TBC1D5: variants seen among roughly 807,000 people sequenced by gnomAD.
The protein encoded by TBC1D5 is TBC1 domain family, member 5.
TBC1D5 carries 75 observed loss-of-function variants against 100.3 expected under a neutral mutation model. The observed-to-expected ratio is 0.75, with a 90% CI of 0.62 to 0.91. The LOEUF is 0.91. TBC1D5 is among the 40% of genes least tolerant of loss of function. The pLI is 0.00. For synonymous variants in TBC1D5, 323 were observed against 325.6 expected (o/e 0.99, Z 0.09); for missense variants, 910 against 942.4 (o/e 0.97, Z 0.45).
chr3:17,733,746 G>A (rs1362294517), intron 1 of TBC1D5, among the ~76,000 whole-genome samples: 2 of 152,000 alleles, frequency 1.3e-5, no homozygotes, highest in East Asian at 1.9e-4. Flanking sequence ...ACTTCCGTAA[G>A]TCAAAATTAA....
At chr3:17,170,207 C>A (rs1475357784) in intron 19 of TBC1D5, among the ~76,000 whole-genome samples, 1 of 152,170 alleles carries the variant, frequency 6.6e-6, no homozygotes, top group African/African-American at 2.4e-5. Context: ...GCACACAGCA[C>A]CGGATGCTTG....
chr3:17,260,958 A>T (rs2149467838), intron 15 of TBC1D5, among the ~76,000 whole-genome samples: 1 of 152,320 alleles, frequency 6.6e-6, no homozygotes, highest in African/African-American at 2.4e-5. Context: ...CTTATGGCAC[A>T]TCTCAATTTG....
intron 3 of TBC1D5, among the ~76,000 whole-genome samples, chr3:17,495,594 A>C (rs1246476143): frequency 6.6e-6 from 1 of 152,234 alleles, no homozygotes; most frequent in Admixed American, 6.5e-5. Flanking sequence ...ATAACAACTT[A>C]TTCTTCCTTG....
At chr3:17,261,834 T>C (rs1197296038) in intron 15 of TBC1D5, among the ~76,000 whole-genome samples, 4 of 144,240 alleles carry the variant, frequency 2.8e-5, no homozygotes, top group African/African-American at 7.8e-5. Context: ...ATATTTGCTT[T>C]TCTTAAAGGA....
chr3:17,661,179 A>T lies in TBC1D5; in HGVS notation c.-100-37266T>A, dbSNP rs2066607037. On this transcript the variant is annotated intron_variant, in intron 1 of 21. Transcript: ENST00000253692. Reference sequence around the variant, plus strand: ...ACATTTCCCAAACAGATGCTAAGAGACTCTACAAGGACACTCCGCTCAATC... The same window carrying T: ...ACATTTCCCAAACAGATGCTAAGAGTCTCTACAAGGACACTCCGCTCAATC... 7.2e-5 allele frequency among the ~76,000 whole-genome samples: 11 copies of T among 152,234 alleles called. No individual in the cohort carries two copies. The South Asian group carries it at 1.7e-3, about 23-fold the overall frequency.
At chr3:17,455,528 A>G (rs62245945) in intron 3 of TBC1D5, among the ~76,000 whole-genome samples, 3,560 of 102,590 alleles carry the variant, frequency 0.035, 70 homozygotes, top group Middle Eastern at 0.05. Flanking sequence ...ATATATATAT[A>G]TATGTGTGTG....
In TBC1D5 at chr3:17,631,006, T is replaced by C. The variant is rs1334039282; in HGVS notation, c.-100-7093A>G. On this transcript the variant is annotated intron_variant, in intron 1 of 21. Coordinates refer to ENST00000253692, the Ensembl canonical transcript of TBC1D5. Reference sequence around the variant, plus strand: ...TTGCAGTGAGCCGAGATGGCACCACTGCACTCTAGCCTGGACGACTGAGTG... The same window carrying C: ...TTGCAGTGAGCCGAGATGGCACCACCGCACTCTAGCCTGGACGACTGAGTG... Among the ~76,000 whole-genome samples the C allele has an allele frequency of 2.2e-5, 3 of 138,970 alleles. No homozygotes were observed. The Admixed American group carries it at 2.3e-4, about 11-fold the overall frequency. 91.2% of individuals were successfully genotyped at this position (138,970 alleles called of 152,430 possible). A position where few individuals can be genotyped will look rare whatever the true frequency, so the allele number is the denominator to read the frequency against.
At chr3:17,346,809 T>C (rs952496372) in intron 13 of TBC1D5, among the ~76,000 whole-genome samples, 1 of 152,190 alleles carries the variant, frequency 6.6e-6, no homozygotes, top group Admixed American at 6.5e-5. Flanking sequence ...AGATAATAAA[T>C]TATGTCAACA....
At chr3:17,260,526 G>T (rs2078180412) in intron 15 of TBC1D5, among the ~76,000 whole-genome samples, 1 of 152,104 alleles carries the variant, frequency 6.6e-6, no homozygotes, top group African/African-American at 2.4e-5. Flanking sequence ...AAAGGGAGAG[G>T]TAGTTTAAAG....
intron 8 of TBC1D5, among the ~76,000 whole-genome samples, chr3:17,393,722 G>A (rs903284240): frequency 6.6e-6 from 1 of 152,088 alleles, no homozygotes; most frequent in Non-Finnish European, 1.5e-5. Flanking sequence ...AAGCAATGGG[G>A]AAAGGACTCC....
intron 1 of TBC1D5, among the ~76,000 whole-genome samples, chr3:17,682,641 AG>A (rs147201271): frequency 0.1 from 15,551 of 151,442 alleles, 1,197 homozygotes; most frequent in African/African-American, 0.15. Context: ...CCATTTGACC[AG>A]GAAGGTCCCA....
intron 1 of TBC1D5, among the ~76,000 whole-genome samples, chr3:17,690,081 A>G (rs2070902050): frequency 6.6e-6 from 1 of 152,226 alleles, no homozygotes; most frequent in Non-Finnish European, 1.5e-5. Context: ...GTGGGAAACA[A>G]GACTAGAAAA....
intron 4 of TBC1D5, among the ~76,000 whole-genome samples, chr3:17,413,207 G>C (rs1352667441): frequency 2.0e-5 from 3 of 152,150 alleles, no homozygotes; most frequent in Non-Finnish European, 4.4e-5. Flanking sequence ...AGATGAGTAG[G>C]TTTCATTTCT....
intron 21 of TBC1D5, among the ~76,000 whole-genome samples, chr3:17,163,060 T>C (rs2066234029): frequency 6.6e-6 from 1 of 152,200 alleles, no homozygotes; most frequent in South Asian, 2.1e-4. Flanking sequence ...TATTCTCCTT[T>C]AGCTTACAGT....
intron 1 of TBC1D5, among the ~76,000 whole-genome samples, chr3:17,706,696 T>A (rs2074215570): frequency 6.6e-6 from 1 of 152,100 alleles, no homozygotes; most frequent in African/African-American, 2.4e-5. Context: ...CTTATATAAT[T>A]AGAAGTCATA....
chr3:17,336,311 T>C (rs940335798), intron 13 of TBC1D5, among the ~76,000 whole-genome samples: 9 of 152,044 alleles, frequency 5.9e-5, no homozygotes, highest in African/African-American at 2.2e-4. Flanking sequence ...AAGCTGCATG[T>C]TTCTCCATTT....
intron 14 of TBC1D5, among the ~76,000 whole-genome samples, chr3:17,293,861 C>T (rs184310024): frequency 6.6e-6 from 1 of 152,296 alleles, no homozygotes; most frequent in Non-Finnish European, 1.5e-5. Context: ...AGAACTTTAC[C>T]TACATTATCT....
intron 1 of TBC1D5, among the ~76,000 whole-genome samples, chr3:17,718,001 G>A (rs1316339770): frequency 6.6e-6 from 1 of 152,214 alleles, no homozygotes; most frequent in South Asian, 2.1e-4. Flanking sequence ...GACAAGAGTG[G>A]TTTTTCCTTC....
intron 1 of TBC1D5, among the ~76,000 whole-genome samples, chr3:17,636,426 T>C (rs149928934): frequency 6.6e-6 from 1 of 152,320 alleles, no homozygotes; most frequent in East Asian, 1.9e-4. Context: ...CTTTATATTA[T>C]GCTGCCTTTC....
Sources: allele counts gnomAD v4.1 joint callset (sites outside exome capture counted in the v4.1 genomes callset), GRCh38; gene constraint gnomAD v4.1.1; transcripts MANE v1.5; gene names NCBI Gene and HGNC (gene_info 2026-07-23, HGNC 2026-07-21).